Variants in ADAMTSL1 observed in about 807,000 individuals in gnomAD.
ADAMTSL1 encodes ADAMTS like 1, also known as ADAMTS-like protein 1.
In ADAMTSL1, 126 loss-of-function variants were observed where a neutral mutation model predicts 201.8. The observed-to-expected ratio is 0.62, with a 90% CI of 0.54 to 0.72. The LOEUF (loss-of-function observed/expected upper bound fraction) is 0.72, where lower values mean the gene tolerates loss of function less well. Ranked by LOEUF, ADAMTSL1 falls within the 30% of genes least tolerant of loss-of-function variation. ADAMTSL1 has a pLI of 0.00. For missense variants in ADAMTSL1, 2,679 were observed against 2,277.8 expected, an observed-to-expected ratio of 1.18 and a Z score of -3.59; for synonymous variants, 1,121 against 903.4, an observed-to-expected ratio of 1.24 and a Z score of -4.32.
chr9:17,977,039 G>C (rs1459547430), intron 1 of ADAMTSL1, among the ~76,000 whole-genome samples: 3 of 151,950 alleles, frequency 2.0e-5, no homozygotes, highest in African/African-American at 4.8e-5. Flanking sequence ...TATTATAATA[G>C]GATGTTAAAT....
At chr9:18,266,379 TG>T (rs1274309957) in intron 2 of ADAMTSL1, among the ~76,000 whole-genome samples, 1 of 152,190 alleles carries the variant, frequency 6.6e-6, no homozygotes, top group Admixed American at 6.5e-5. Context: ...TGGGTAATCC[TG>T]AGTCAGTCGG....
At chr9:18,376,364 G>A (rs1837295887) in intron 2 of ADAMTSL1, among the ~76,000 whole-genome samples, 1 of 152,184 alleles carries the variant, frequency 6.6e-6, no homozygotes, top group Non-Finnish European at 1.5e-5. Context: ...ATGGGTGAGG[G>A]TGAGAGGTGA....
At position 18,087,206 on chromosome 9, in the gene ADAMTSL1, C is replaced by T. The variant is rs571486730; in HGVS notation, c.88-76656C>T. On this transcript the variant is annotated intron_variant, in intron 1 of 29. Coordinates refer to the ADAMTSL1 transcript ENST00000680146. ...CTTTTCTTTTCTCCCTCCCTAAATG[C>T]TTTTAAAAATGCTTTCAGCCAGAAG... Among the ~76,000 whole-genome samples, 6 of 152,198 alleles carry T rather than the reference C, an allele frequency of 3.9e-5. No homozygotes were observed. In the South Asian group the frequency reaches 1.2e-3, roughly 32 times the overall value.
intron 23 of ADAMTSL1, among the ~76,000 whole-genome samples, chr9:18,841,139 T>G (rs1825691592): frequency 6.6e-6 from 1 of 151,604 alleles, no homozygotes; most frequent in African/African-American, 2.4e-5. Flanking sequence ...ATGCTTCCAG[T>G]TTTTGCCCAT....
intron 4 of ADAMTSL1, among the ~76,000 whole-genome samples, chr9:18,580,808 T>TG (rs1456652536): frequency 6.6e-6 from 1 of 152,202 alleles, no homozygotes; most frequent in East Asian, 1.9e-4. Context: ...GGATAGTCCC[T>TG]GCCCTTCCAG....
At chr9:18,657,508 C>G in intron 7 of ADAMTSL1, 131 bp from the exon 8 acceptor site, 1 of 636,330 alleles carries the variant, frequency 1.6e-6, no homozygotes, top group Non-Finnish European at 2.8e-6. Context: ...GCCATTGCCA[C>G]TTCTCCCGCA....
chr9:18,599,881 G>A (rs940557823), intron 4 of ADAMTSL1, among the ~76,000 whole-genome samples: 3 of 150,938 alleles, frequency 2.0e-5, no homozygotes, highest in Admixed American at 6.6e-5. Flanking sequence ...GGCTGGGCGC[G>A]GTGGCTCACG....
chr9:18,657,683 C>G lies in ADAMTSL1; in HGVS notation c.879C>G (p.Phe293Leu). The G allele has an allele frequency of 6.2e-7, 1 of 1,614,220 alleles. No individual in the cohort carries two copies. Among genetic ancestry groups the G allele is most frequent in the Admixed American group, 1.7e-5 (1 of 60,030 alleles). ...CTGACAGTACAGTCCAGTTCATCTT[C>G]TATCAACCCATCATCCACCGATGGA... ...GSADSTVQFI[F>L]YQPIIHRWRE... The change falls in exon 8 of 29, where the codon TTC becomes TTG. Residue 293 changes from phenylalanine (F) to leucine (L), a missense_variant. Physicochemically the swap from Phe to Leu is conservative, Grantham distance 22. Coordinates refer to ENST00000380548, the MANE Select transcript of ADAMTSL1 (RefSeq NM_001040272.6).
Position 18,892,530 on chromosome 9 carries a change from G to A in ADAMTSL1, c.4785G>A (p.Arg1595=). The A allele has an allele frequency of 6.3e-7, 1 of 1,589,888 alleles. No homozygotes were observed. The highest frequency in any genetic ancestry group is 1.1e-5 in the South Asian group (1 of 87,322). Residue 1595 remains arginine (R), a synonymous_variant, in exon 26 of 29, where the codon CGG becomes CGA. Coordinates refer to ENST00000380548, the MANE Select transcript of ADAMTSL1 (RefSeq NM_001040272.6). ...SNDMCTQVAK[R]PVDTQACNQQ... The stretch of plus-strand genomic sequence containing the variant: ...ACATGTGCACCCAGGTCGCCAAGCG[G>A]CCTGTGGACACCCAGGCCTGTAACC...
chr9:18,034,413 C>G (rs1183061470), intron 1 of ADAMTSL1, among the ~76,000 whole-genome samples: 1 of 152,174 alleles, frequency 6.6e-6, no homozygotes, highest in Non-Finnish European at 1.5e-5. Context: ...ACTCCTGTCT[C>G]TATTAGCCAG....
Position 18,639,214 on chromosome 9 carries a change from G to A in ADAMTSL1, c.677-40G>A, listed in dbSNP as rs41268975. 45 of 1,606,944 alleles carry A rather than the reference G, an allele frequency of 2.8e-5. 1 individual carries two copies. The Admixed American group carries it at 7.2e-4, about 26-fold the overall frequency. Reference sequence around the variant, plus strand: ...AATGTGCTTGCCTGTGGTTGCCCTAGGAACATCTTTCTCTCATCTTCACGT... The same window carrying A: ...AATGTGCTTGCCTGTGGTTGCCCTAAGAACATCTTTCTCTCATCTTCACGT... On this transcript the variant is annotated intron_variant, in intron 6 of 28. Coordinates refer to ENST00000380548, the MANE Select transcript of ADAMTSL1 (RefSeq NM_001040272.6).
chr9:18,191,201 G>A (rs541773742), intron 2 of ADAMTSL1, among the ~76,000 whole-genome samples: 44 of 152,150 alleles, frequency 2.9e-4, no homozygotes, highest in Non-Finnish European at 2.5e-4. Context: ...ATCTGGTCCC[G>A]GGGATAGGGG....
At chr9:18,608,222 T>A (rs1422935135) in intron 4 of ADAMTSL1, among the ~76,000 whole-genome samples, 1 of 152,196 alleles carries the variant, frequency 6.6e-6, no homozygotes, top group East Asian at 1.9e-4. Context: ...TTAAGGTAAT[T>A]CTTTTTAACT....
Position 18,401,516 on chromosome 9 carries a change from G to A in ADAMTSL1, c.208-103313G>A, listed in dbSNP as rs75881625. 7.5e-3 allele frequency among the ~76,000 whole-genome samples: 1,137 copies of A among 152,326 alleles called. 19 individuals are homozygous for A. Among genetic ancestry groups the A allele is most frequent in the African/African-American group, 0.026 (1,079 of 41,574 alleles). ...CAAGCTGGGAGAGAGTAGAGGGACA[G>A]TATCTGAAGAGGCCTTCTCTGAAGC... On this transcript the variant is annotated intron_variant, in intron 2 of 29. Transcript: ENST00000680146.
At chr9:18,290,790 T>TTG (rs1563862954) in intron 2 of ADAMTSL1, among the ~76,000 whole-genome samples, 15 of 148,996 alleles carry the variant, frequency 1.0e-4, no homozygotes, top group African/African-American at 3.7e-4. Flanking sequence ...TGTTTTTTTT[T>TTG]TTTTTTTTTG....
intron 23 of ADAMTSL1, among the ~76,000 whole-genome samples, chr9:18,847,622 G>A (rs1344748672): frequency 6.6e-6 from 1 of 151,814 alleles, no homozygotes; most frequent in East Asian, 1.9e-4. Context: ...GCAAAGACAT[G>A]AATGTGTGCT....
At chr9:18,515,690 G>A (rs1213966398) in intron 2 of ADAMTSL1, among the ~76,000 whole-genome samples, 5 of 152,224 alleles carry the variant, frequency 3.3e-5, no homozygotes, top group East Asian at 1.9e-4. Flanking sequence ...GATCGAGTCC[G>A]CCATGTGGGA....
At chr9:18,503,359 C>T (rs1251532643) in intron 1 of ADAMTSL1, among the ~76,000 whole-genome samples, 1 of 146,564 alleles carries the variant, frequency 6.8e-6, no homozygotes, top group African/African-American at 2.5e-5. Flanking sequence ...CTTTAAGTTT[C>T]ATTCATGTTG....
intron 2 of ADAMTSL1, among the ~76,000 whole-genome samples, chr9:18,293,810 G>A (rs1322017415): frequency 1.3e-5 from 2 of 152,146 alleles, no homozygotes; most frequent in Non-Finnish European, 2.9e-5. Flanking sequence ...GACTGCATGA[G>A]TTTCTTATAT....
Sources: allele counts gnomAD v4.1 joint callset (sites outside exome capture counted in the v4.1 genomes callset), GRCh38; gene constraint gnomAD v4.1.1; transcripts MANE v1.5; gene names NCBI Gene and HGNC (gene_info 2026-07-23, HGNC 2026-07-21).